Variants in PPARGC1A observed in about 807,000 individuals in gnomAD.
PPARGC1A encodes PPARG coactivator 1 alpha, also known as peroxisome proliferator-activated receptor gamma coactivator 1-alpha.
A neutral mutation model predicts 88.7 loss-of-function variants in PPARGC1A; 25 were observed. The observed-to-expected ratio is 0.28, with a 90% confidence interval of 0.21 to 0.39. PPARGC1A has a LOEUF of 0.39. Among genes scored for constraint, PPARGC1A ranks in the 10% least tolerant of loss-of-function variants. The pLI is 1.00. For missense variants in PPARGC1A, 880 were observed against 968.7 expected (o/e 0.91, Z 1.22); for synonymous variants, 363 against 355.6 (o/e 1.02, Z -0.24).
the PPARGC1A span, among the ~76,000 whole-genome samples, chr4:24,210,460 A>G: frequency 3.9e-5 from 6 of 152,212 alleles, no homozygotes; most frequent in African/African-American, 1.4e-4. Flanking sequence ...TTAGCTGAGA[A>G]AGTACTTAAA....
At chr4:23,871,995 A>C (rs1486577144) in intron 2 of PPARGC1A, among the ~76,000 whole-genome samples, 1 of 152,090 alleles carries the variant, frequency 6.6e-6, no homozygotes, top group Non-Finnish European at 1.5e-5. Flanking sequence ...GCCTCTCCCA[A>C]GGGTGCAGGA....
the PPARGC1A span, among the ~76,000 whole-genome samples, chr4:24,437,736 C>T: frequency 6.6e-6 from 1 of 151,640 alleles, no homozygotes; most frequent in Admixed American, 6.6e-5. Flanking sequence ...ATGGTGCGAT[C>T]TCAGCTCACT....
At chr4:24,255,876 G>A in the PPARGC1A span, among the ~76,000 whole-genome samples, 1 of 152,198 alleles carries the variant, frequency 6.6e-6, no homozygotes. Flanking sequence ...GATAATAATA[G>A]TACCTATCCC....
chr4:24,056,088 C>T, the PPARGC1A span, among the ~76,000 whole-genome samples: 23 of 152,228 alleles, frequency 1.5e-4, no homozygotes, highest in African/African-American at 2.2e-4. Flanking sequence ...TTCAAATAGG[C>T]GAACAAATTT....
the PPARGC1A span, among the ~76,000 whole-genome samples, chr4:24,415,035 G>C: frequency 7.9e-5 from 12 of 152,078 alleles, no homozygotes; most frequent in East Asian, 2.3e-3. Flanking sequence ...ACTAAAAATA[G>C]AAAAATTAGC....
chr4:23,802,992 A>G (rs755901141), intron 10 of PPARGC1A, among the ~76,000 whole-genome samples: 5 of 152,146 alleles, frequency 3.3e-5, no homozygotes, highest in Admixed American at 1.3e-4. Flanking sequence ...AACAATACCT[A>G]TTAAATATTT....
At chr4:24,011,872 T>C in the PPARGC1A span, among the ~76,000 whole-genome samples, 1 of 152,206 alleles carries the variant, frequency 6.6e-6, no homozygotes, top group East Asian at 1.9e-4. Context: ...TATGAAGGTA[T>C]GGGAAAACTG....
At chr4:23,984,377 C>T in the PPARGC1A span, among the ~76,000 whole-genome samples, 1 of 152,248 alleles carries the variant, frequency 6.6e-6, no homozygotes, top group East Asian at 1.9e-4. Flanking sequence ...CTCCCAACCC[C>T]ATCTCATCAG....
At chr4:23,970,540 G>C in the PPARGC1A span, among the ~76,000 whole-genome samples, 22 of 152,204 alleles carry the variant, frequency 1.4e-4, no homozygotes, top group Non-Finnish European at 2.6e-4. Flanking sequence ...TGGTTACTGA[G>C]GGGGTAGGTA....
chr4:24,392,433 T>C, the PPARGC1A span, among the ~76,000 whole-genome samples: 3 of 152,172 alleles, frequency 2.0e-5, no homozygotes, highest in Non-Finnish European at 4.4e-5. Flanking sequence ...CCCCTCCTCA[T>C]ATTCTTGAAA....
At chr4:24,073,502 C>T in the PPARGC1A span, among the ~76,000 whole-genome samples, 1 of 152,154 alleles carries the variant, frequency 6.6e-6, no homozygotes, top group Non-Finnish European at 1.5e-5. Context: ...CTTAACTTGC[C>T]CCTAAAACTT....
At chr4:24,159,860 G>A in the PPARGC1A span, among the ~76,000 whole-genome samples, 1 of 152,130 alleles carries the variant, frequency 6.6e-6, no homozygotes, top group Non-Finnish European at 1.5e-5. Flanking sequence ...CCTATCAAAG[G>A]CAGCAAATTA....
the PPARGC1A span, among the ~76,000 whole-genome samples, chr4:24,254,207 T>C: frequency 1.9e-3 from 287 of 152,318 alleles, 2 homozygotes; most frequent in African/African-American, 6.7e-3. Flanking sequence ...GTTCTTTCCA[T>C]ATGTTACCTC....
chr4:23,973,909 T>G, the PPARGC1A span, among the ~76,000 whole-genome samples: 1 of 152,010 alleles, frequency 6.6e-6, no homozygotes, highest in South Asian at 2.1e-4. Context: ...TATGGTGGGC[T>G]ACGGAGGAGG....
At chr4:24,201,560 G>C in the PPARGC1A span, among the ~76,000 whole-genome samples, 4 of 152,222 alleles carry the variant, frequency 2.6e-5, no homozygotes, top group Non-Finnish European at 5.9e-5. Flanking sequence ...TCGTAGAATA[G>C]AGAAGGAGAA....
the PPARGC1A span, among the ~76,000 whole-genome samples, chr4:24,048,947 G>A: frequency 6.6e-6 from 1 of 152,002 alleles, no homozygotes; most frequent in Non-Finnish European, 1.5e-5. Flanking sequence ...CATGTAAAAT[G>A]AAGATTATAT....
At chr4:24,245,622 C>T in the PPARGC1A span, among the ~76,000 whole-genome samples, 12 of 152,152 alleles carry the variant, frequency 7.9e-5, no homozygotes, top group East Asian at 1.9e-4. Context: ...TTTGCTGGTA[C>T]GAGGACCACA....
the PPARGC1A span, among the ~76,000 whole-genome samples, chr4:24,225,404 C>A: frequency 6.6e-6 from 1 of 151,958 alleles, no homozygotes; most frequent in Non-Finnish European, 1.5e-5. Flanking sequence ...CCCGTCTCTA[C>A]TAAAAATACA....
Position 23,884,808 on chromosome 4 carries a change from C to T in PPARGC1A, c.178G>A (p.Asp60Asn). ...SFLGGLKWCS[D>N]QSEIISNQYN... ...TGATTGGATATTATTTCTGATTGGT[C>T]ACTGCACCACTTGAGTCCACCCAGA... The change falls in exon 2 of 13, where the codon GAC (aspartate) becomes AAC (asparagine). Residue 60 changes from aspartate (D) to asparagine (N), a missense_variant. Asp to Asn is a conservative substitution (Grantham distance 23). Transcript: ENST00000264867. The T allele has an allele frequency of 6.2e-7, 1 of 1,613,888 alleles. No individual in the cohort carries two copies. The highest frequency in any genetic ancestry group is 8.5e-7 in the Non-Finnish European group (1 of 1,179,892).
Sources: allele counts gnomAD v4.1 joint callset (sites outside exome capture counted in the v4.1 genomes callset), GRCh38; gene constraint gnomAD v4.1.1; transcripts MANE v1.5; gene names NCBI Gene and HGNC (gene_info 2026-07-23, HGNC 2026-07-21).